The following LINGO2 variants were observed in gnomAD, a reference collection of about 807,000 sequenced individuals.
LINGO2 encodes the protein leucine rich repeat and Ig domain containing 2.
A neutral mutation model predicts 30.6 loss-of-function variants in LINGO2; 14 were observed. That is an observed-to-expected ratio of 0.46 (90% CI 0.30 to 0.72). The LOEUF (loss-of-function observed/expected upper bound fraction) is 0.72, where lower values mean the gene tolerates loss of function less well. Among genes scored for constraint, LINGO2 ranks in the 30% least tolerant of loss-of-function variants. The pLI is 0.07. For missense variants in LINGO2, 729 were observed against 751.7 expected (o/e 0.97, Z 0.35); for synonymous variants, 317 against 288.5 (o/e 1.10, Z -1.00).
chr9:28,057,885 C>T (rs906956081), intron 4 of LINGO2, among the ~76,000 whole-genome samples: 8 of 151,980 alleles, frequency 5.3e-5, no homozygotes, highest in African/African-American at 1.9e-4. Context: ...GCGTTGTCAC[C>T]TTCTGTCAGG....
chr9:28,989,357 T>A, the LINGO2 span, among the ~76,000 whole-genome samples: 1 of 152,258 alleles, frequency 6.6e-6, no homozygotes, highest in African/African-American at 2.4e-5. Flanking sequence ...CATAGAAGAC[T>A]TCCTATTTAC....
the LINGO2 span, among the ~76,000 whole-genome samples, chr9:29,166,448 C>T: frequency 6.6e-6 from 1 of 152,076 alleles, no homozygotes; most frequent in Non-Finnish European, 1.5e-5. Context: ...TATAGAGTCT[C>T]AGCCATTCCT....
chr9:28,464,265 A>T (rs751138557), intron 2 of LINGO2, among the ~76,000 whole-genome samples: 3 of 152,208 alleles, frequency 2.0e-5, no homozygotes, highest in African/African-American at 7.2e-5. Flanking sequence ...CTACTTTGTT[A>T]TCTCCCTGTT....
At chr9:28,383,031 G>A (rs1821416535) in intron 2 of LINGO2, among the ~76,000 whole-genome samples, 1 of 152,028 alleles carries the variant, frequency 6.6e-6, no homozygotes, top group South Asian at 2.1e-4. Context: ...TGGTAAGTGT[G>A]GAAGTGAAGT....
the LINGO2 span, among the ~76,000 whole-genome samples, chr9:29,071,500 T>C: frequency 1.7e-5 from 2 of 117,282 alleles, no homozygotes; most frequent in African/African-American, 6.8e-5. Context: ...TATATATATA[T>C]ATATATATAT....
At chr9:27,973,516 C>A (rs1820450989) in intron 5 of LINGO2, among the ~76,000 whole-genome samples, 1 of 152,122 alleles carries the variant, frequency 6.6e-6, no homozygotes, top group South Asian at 2.1e-4. Context: ...GACTTAACAG[C>A]AATAGCTGTG....
At chr9:28,692,358 C>G in the LINGO2 span, among the ~76,000 whole-genome samples, 1 of 151,968 alleles carries the variant, frequency 6.6e-6, no homozygotes, top group Admixed American at 6.6e-5. Flanking sequence ...ACCTGTAATC[C>G]CAGCCATTCA....
chr9:28,635,941 A>G (rs1164644788), intron 1 of LINGO2, among the ~76,000 whole-genome samples: 1 of 152,114 alleles, frequency 6.6e-6, no homozygotes, highest in Non-Finnish European at 1.5e-5. Context: ...GTCATTTAAC[A>G]TTAGATATAT....
At chr9:28,179,675 TATACTATATA>T (rs1427250547) in intron 4 of LINGO2, among the ~76,000 whole-genome samples, 3 of 128,762 alleles carry the variant, frequency 2.3e-5, no homozygotes, top group Admixed American at 1.7e-4. Flanking sequence ...TATAGTATTT[TATACTATATA>T]TACTATAGTA....
intron 4 of LINGO2, among the ~76,000 whole-genome samples, chr9:28,106,263 G>A (rs992606178): frequency 6.6e-6 from 1 of 152,080 alleles, no homozygotes; most frequent in African/African-American, 2.4e-5. Context: ...GTGGCATTTT[G>A]TTATGGCAGC....
chr9:28,822,819 T>A, the LINGO2 span, among the ~76,000 whole-genome samples: 1 of 152,176 alleles, frequency 6.6e-6, no homozygotes, highest in African/African-American at 2.4e-5. Context: ...TCCTATTAGT[T>A]CTGTCCCTCC....
intron 5 of LINGO2, among the ~76,000 whole-genome samples, chr9:27,981,559 AGAAAAAAAAAGAAAAAAAAAAG>A (rs1820870536): frequency 8.1e-6 from 1 of 123,724 alleles, no homozygotes; most frequent in South Asian, 3.1e-4. Flanking sequence ...AAGAAAAAAA[AGAAAAAAAAAGAAAAAAAAAAG>A]AAAAAAAATT....
chr9:28,013,143 G>A (rs1822644509), intron 4 of LINGO2, among the ~76,000 whole-genome samples: 2 of 152,100 alleles, frequency 1.3e-5, no homozygotes, highest in Non-Finnish European at 2.9e-5. Context: ...TGAGCACTGG[G>A]TCTCTAGTAA....
intron 1 of LINGO2, among the ~76,000 whole-genome samples, chr9:28,489,700 C>T (rs1587743634): frequency 6.6e-6 from 1 of 151,446 alleles, no homozygotes; most frequent in African/African-American, 2.4e-5. Context: ...AGATCGAGAC[C>T]ATCCTGGCCA....
At chr9:29,057,224 T>G in the LINGO2 span, among the ~76,000 whole-genome samples, 1 of 152,162 alleles carries the variant, frequency 6.6e-6, no homozygotes, top group African/African-American at 2.4e-5. Flanking sequence ...ATTCTATCCA[T>G]CCATGAGCAT....
Position 28,506,570 on chromosome 9 carries a change from T to G in LINGO2, c.-364-30545A>C, listed in dbSNP as rs1346613130. On this transcript the variant is annotated intron_variant, in intron 1 of 5. Coordinates refer to ENST00000379992, the Ensembl canonical transcript of LINGO2. ...TCTATTTCTAGTTAATGTCCATTTA[T>G]AATTTATAATCATCATGATCTACTT... 2.3e-5 allele frequency among the ~76,000 whole-genome samples: 3 copies of G among 131,096 alleles called. No homozygotes were observed. The East Asian group carries it at 6.8e-4, about 30-fold the overall frequency. 86.0% of individuals were successfully genotyped at this position (131,096 alleles called of 152,430 possible). A position where few individuals can be genotyped will look rare whatever the true frequency, so the allele number is the denominator to read the frequency against.
At chr9:28,503,080 CTAAGGTATAAT>C in intron 1 of LINGO2, among the ~76,000 whole-genome samples, 1 of 152,078 alleles carries the variant, frequency 6.6e-6, no homozygotes, top group African/African-American at 2.4e-5. Context: ...AATTTGCATA[CTAAGGTATAAT>C]TTTTACGAAT....
chr9:28,323,574 T>C (rs571122431), intron 3 of LINGO2, among the ~76,000 whole-genome samples: 1 of 152,274 alleles, frequency 6.6e-6, no homozygotes, highest in African/African-American at 2.4e-5. Context: ...CACTCCAGCC[T>C]AGGCAATGGA....
chr9:28,322,321 A>G (rs1280619345), intron 3 of LINGO2, among the ~76,000 whole-genome samples: 1 of 152,042 alleles, frequency 6.6e-6, no homozygotes, highest in South Asian at 2.1e-4. Context: ...CTATCATATC[A>G]CACCATTTTC....
Sources: gnomAD v4.1 joint callset for allele counts (sites outside exome capture counted in the v4.1 genomes callset) on GRCh38, gnomAD v4.1.1 for gene constraint, MANE v1.5 for transcripts, NCBI Gene and HGNC (gene_info 2026-07-23, HGNC 2026-07-21) for gene names.